Variants in SLAMF9 observed in about 807,000 individuals in gnomAD.
SLAMF9 encodes the protein SLAM family member 9.
Under a neutral mutation model 30.4 loss-of-function variants are expected in SLAMF9, and 25 were observed. The ratio of observed to expected loss-of-function variants is 0.82; its 90% CI spans 0.60 to 1.15. The LOEUF (loss-of-function observed/expected upper bound fraction) is 1.15, where lower values mean the gene tolerates loss of function less well. SLAMF9 is among the 50% of genes most tolerant of loss of function. The probability of loss-of-function intolerance (pLI) is 0.00; values close to 1 mark genes in which losing one functional copy is unlikely to be tolerated. For synonymous variants in SLAMF9, 129 were observed against 127.2 expected (o/e 1.01, Z -0.09); for missense variants, 344 against 346.1 (o/e 0.99, Z 0.05).
At chr1:159,972,202 G>T in the SLAMF9 span, among the ~76,000 whole-genome samples, 2 of 152,210 alleles carry the variant, frequency 1.3e-5, no homozygotes, top group Middle Eastern at 3.4e-3. Flanking sequence ...TGTGCCTCTA[G>T]CTCTGGCCCC....
chr1:159,965,170 G>A, the SLAMF9 span, among the ~76,000 whole-genome samples: 5 of 152,186 alleles, frequency 3.3e-5, no homozygotes, highest in Admixed American at 6.5e-5. Flanking sequence ...AGGAAAACGC[G>A]AAGCTTACAT....
the SLAMF9 span, among the ~76,000 whole-genome samples, chr1:159,972,244 C>T: frequency 6.6e-6 from 1 of 152,226 alleles, no homozygotes; most frequent in Non-Finnish European, 1.5e-5. Context: ...CCTACAGCCT[C>T]ACTGCTGGAG....
At chr1:159,970,322 C>T in the SLAMF9 span, among the ~76,000 whole-genome samples, 3 of 152,138 alleles carry the variant, frequency 2.0e-5, no homozygotes, top group African/African-American at 7.2e-5. Flanking sequence ...AATCAATGAC[C>T]GTGGCCTGTG....
the SLAMF9 span, among the ~76,000 whole-genome samples, chr1:159,962,366 G>A: frequency 2.6e-5 from 4 of 152,096 alleles, no homozygotes; most frequent in South Asian, 4.1e-4. Flanking sequence ...CCTTTGGCCC[G>A]GGGCGGCGGT....
chr1:159,957,676 T>C (rs935744654), upstream of SLAMF9, among the ~76,000 whole-genome samples: 4 of 152,178 alleles, frequency 2.6e-5, no homozygotes, highest in Non-Finnish European at 4.4e-5. Flanking sequence ...CAAAAAAAGA[T>C]AGTTGTATAA....
Position 159,953,563 on chromosome 1 carries a change from G to A in SLAMF9, c.137C>T (p.Pro46Leu). 5 of 1,614,160 alleles carry A rather than the reference G, an allele frequency of 3.1e-6. No individual in the cohort carries two copies. Among genetic ancestry groups the A allele is most frequent in the Non-Finnish European group, 4.2e-6 (5 of 1,180,012 alleles). ...GATGATGTTCTCAACCTCTTCATCTGGTGGTATTTCCAGGGGGAGGCTGAT... is the reference window on the plus strand; with the variant it reads ...GATGATGTTCTCAACCTCTTCATCTAGTGGTATTTCCAGGGGGAGGCTGAT... ...ESISLPLEIP[P>L]DEEVENIIWS... Residue 46 changes from proline (P) to leucine (L), a missense_variant, in exon 2 of 4, where the codon CCA becomes CTA. By Grantham distance (98) the Pro-to-Leu change is moderately conservative. Transcript: ENST00000368093.
the SLAMF9 span, among the ~76,000 whole-genome samples, chr1:159,959,583 A>T: frequency 1.3e-5 from 2 of 151,656 alleles, no homozygotes; most frequent in Admixed American, 1.3e-4. Flanking sequence ...ACTCTCCCAG[A>T]CCTGTCATAG....
Position 159,951,646 on chromosome 1 carries a change from G to A in SLAMF9, c.*15C>T. The A allele has an allele frequency of 1.2e-6, 2 of 1,612,768 alleles. No homozygotes were observed. Among genetic ancestry groups the A allele is most frequent in the Non-Finnish European group, 1.7e-6 (2 of 1,179,380 alleles). Reference sequence around the variant, plus strand: ...GGAAGAAACCAAGCTCAGGACTGGGGTTCCCAAGGAGCAGTCAGGCAGGGC... The same window carrying A: ...GGAAGAAACCAAGCTCAGGACTGGGATTCCCAAGGAGCAGTCAGGCAGGGC... On this transcript the variant is annotated 3_prime_UTR_variant, in exon 4 of 4. Transcript: ENST00000368093.
chr1:159,954,185 A>G lies in SLAMF9; in HGVS notation c.-48T>C, dbSNP rs919826640. On this transcript the variant is annotated 5_prime_UTR_variant, in exon 1 of 4. Transcript: ENST00000368093. ...GGTGTGATTCAGTCAGTCAGTCCCC[A>G]GGACTGTGCAGAAGACTGCATTAGG... 4 of 1,607,638 alleles carry G rather than the reference A, an allele frequency of 2.5e-6. No homozygotes were observed. In the Admixed American group the frequency reaches 5.0e-5, roughly 20 times the overall value.
At chr1:159,979,711 A>G in the SLAMF9 span, among the ~76,000 whole-genome samples, 1 of 150,440 alleles carries the variant, frequency 6.6e-6, no homozygotes, top group Admixed American at 6.6e-5. Flanking sequence ...ATTTAATTCT[A>G]CTATATGTAA....
upstream of SLAMF9, among the ~76,000 whole-genome samples, chr1:159,958,583 C>G (rs1366469301): frequency 1.3e-5 from 2 of 152,098 alleles, no homozygotes; most frequent in Non-Finnish European, 2.9e-5. Context: ...ATCTCAGCCT[C>G]CCAACTAGCT....
chr1:159,964,272 T>C, the SLAMF9 span, among the ~76,000 whole-genome samples: 1 of 152,126 alleles, frequency 6.6e-6, no homozygotes, highest in African/African-American at 2.4e-5. Flanking sequence ...TGATATCTTT[T>C]GTTTCCAATC....
At chr1:159,976,024 G>C in the SLAMF9 span, among the ~76,000 whole-genome samples, 2 of 152,044 alleles carry the variant, frequency 1.3e-5, no homozygotes, top group Non-Finnish European at 2.9e-5. Context: ...TACATTTGGT[G>C]GTGCTTGAAG....
At chr1:159,952,634 G>T in intron 2 of SLAMF9, 100 bp from the exon 3 acceptor site, 1 of 1,278,230 alleles carries the variant, frequency 7.8e-7, no homozygotes, top group Non-Finnish European at 1.1e-6. Flanking sequence ...CCCCTTGACA[G>T]CCCCTGCACC....
the SLAMF9 span, among the ~76,000 whole-genome samples, chr1:159,959,479 C>T: frequency 6.6e-6 from 1 of 152,068 alleles, no homozygotes; most frequent in African/African-American, 2.4e-5. Context: ...CCCTTAGCTA[C>T]CCATGACAAA....
At chr1:159,974,719 G>A in the SLAMF9 span, among the ~76,000 whole-genome samples, 1 of 152,304 alleles carries the variant, frequency 6.6e-6, no homozygotes, top group East Asian at 1.9e-4. Context: ...GATTGGGCAG[G>A]ACAAGGGTCT....
rs550943661 is a variant in SLAMF9, at chr1:159,953,293, C to G, written c.391+16G>C. The stretch of plus-strand genomic sequence containing the variant: ...AGCCCCCAAAACCAGCTTTATGGTT[C>G]CCAGCCTAAACTCACGGTAGACACA... On this transcript the variant is annotated intron_variant, in intron 2 of 3. Transcript: ENST00000368093. 2.7e-5 allele frequency: 43 copies of G among 1,581,892 alleles called. No individual in the cohort carries two copies. In the African/African-American group the frequency reaches 5.1e-4, roughly 19 times the overall value.
chr1:159,978,315 C>T, the SLAMF9 span, among the ~76,000 whole-genome samples: 1 of 152,210 alleles, frequency 6.6e-6, no homozygotes, highest in African/African-American at 2.4e-5. Flanking sequence ...ATAAAGGAGA[C>T]CTTGACTTTG....
rs770315073 is a variant in SLAMF9, at chr1:159,952,535, C to T, written c.392-1G>A. ...GTGATCTGGGGCTCTGACAGCCATCCTGGATGAAGGGGAAACACAAAGACC... is the reference window on the plus strand; with the variant it reads ...GTGATCTGGGGCTCTGACAGCCATCTTGGATGAAGGGGAAACACAAAGACC... On this transcript the variant is annotated splice_acceptor_variant, in intron 2 of 3. Coordinates refer to ENST00000368093, the MANE Select transcript of SLAMF9 (RefSeq NM_033438.4). LOFTEE classifies it high-confidence loss of function. 1 of 1,613,146 alleles carries T rather than the reference C, an allele frequency of 6.2e-7. No individual in the cohort carries two copies. Among genetic ancestry groups the T allele is most frequent in the African/African-American group, 1.3e-5 (1 of 74,910 alleles).
Sources: allele counts gnomAD v4.1 joint callset (sites outside exome capture counted in the v4.1 genomes callset), GRCh38; gene constraint gnomAD v4.1.1; transcripts MANE v1.5; gene names NCBI Gene and HGNC (gene_info 2026-07-23, HGNC 2026-07-21).